The following MID1 variants were observed in gnomAD, a reference collection of about 807,000 sequenced individuals.
MID1 encodes E3 ubiquitin-protein ligase Midline-1.
A neutral mutation model predicts 40.4 loss-of-function variants in MID1; 7 were observed. That is an observed-to-expected ratio of 0.17 (90% CI 0.10 to 0.33). The LOEUF is 0.33. MID1 is among the 10% of genes least tolerant of loss of function. The pLI is 1.00. For missense variants in MID1, 367 were observed against 558.5 expected (o/e 0.66, Z 3.46); for synonymous variants, 229 against 221.2 (o/e 1.04, Z -0.31).
chrX:10,531,918 C>A (rs1047186828), intron 2 of MID1, among the ~76,000 whole-genome samples: 1 of 112,019 alleles, frequency 8.9e-6, no homozygotes, highest in African/African-American at 3.2e-5. Flanking sequence ...GAATGGATAT[C>A]ACATGAAGCT....
chrX:10,495,709 T>A lies in MID1; in HGVS notation c.757-18A>T, dbSNP rs377398110. ...GCATTGACCTACAGGATAAGTACAA[T>A]GGTAAGTGTTAATTTGGCCTTTGTT... On this transcript the variant is annotated intron_variant, in intron 3 of 9. Coordinates refer to ENST00000317552, the MANE Select transcript of MID1 (RefSeq NM_000381.4). 5.4e-6 allele frequency: 6 copies of A among 1,102,755 alleles called. No homozygotes were observed. The African/African-American group carries it at 9.0e-5, about 17-fold the overall frequency. 90.9% of individuals were successfully genotyped at this position (1,102,755 alleles called of 1,213,427 possible). A position where few individuals can be genotyped will look rare whatever the true frequency, so the allele number is the denominator to read the frequency against.
chrX:10,728,723 A>C (rs2043418397), intron 1 of MID1, among the ~76,000 whole-genome samples: 1 of 112,002 alleles, frequency 8.9e-6, no homozygotes, highest in African/African-American at 3.2e-5. Flanking sequence ...AGCACCATAA[A>C]AACAGAGTTA....
At chrX:10,452,734 T>C (rs961918321) in intron 9 of MID1, among the ~76,000 whole-genome samples, 1 of 111,904 alleles carries the variant, frequency 8.9e-6, no homozygotes, top group Non-Finnish European at 1.9e-5. Context: ...TAAAGATTAA[T>C]TGTGTAGCAA....
intron 2 of MID1, among the ~76,000 whole-genome samples, chrX:10,533,162 G>T (rs1273407420): frequency 9.1e-6 from 1 of 109,687 alleles, no homozygotes; most frequent in Non-Finnish European, 1.9e-5. Flanking sequence ...CATTTCTGTA[G>T]CCATAAAGTA....
intron 3 of MID1, among the ~76,000 whole-genome samples, chrX:10,498,302 G>T (rs988762535): frequency 8.9e-6 from 1 of 111,875 alleles, no homozygotes; most frequent in Admixed American, 9.5e-5. Context: ...TTGTAGAGAC[G>T]AGGTCTTGCT....
chrX:10,566,892 A>G lies in MID1; in HGVS notation c.656T>C (p.Leu219Ser), dbSNP rs746168447. The change falls in exon 2 of 10, where the codon TTG (leucine) becomes TCG (serine). Residue 219 changes from leucine (L) to serine (S), a missense_variant. By Grantham distance (145) the Leu-to-Ser change is moderately radical. This residue lies in a region of MID1 where 275 missense variants were observed against 383.1 expected (regional missense o/e 0.72). Coordinates refer to ENST00000317552, the MANE Select transcript of MID1 (RefSeq NM_000381.4). ...VAALSERYDK[L>S]KQNLESNLTN... ...CTTAAGGCGGATCGGACTAACCTTC[A>G]ATTTGTCATAGCGCTCACTCAAAGC... 1 of 1,209,338 alleles carries G rather than the reference A, an allele frequency of 8.3e-7. No homozygotes were observed. Among genetic ancestry groups the G allele is most frequent in the African/African-American group, 1.8e-5 (1 of 57,070 alleles).
chrX:10,754,309 G>GTTTTTTTTTTTTTTTT lies in MID1; in HGVS notation c.-187+79244_-187+79245insAAAAAAAAAAAAAAAA, dbSNP rs200251008. 4.6e-4 allele frequency among the ~76,000 whole-genome samples: 48 copies of GTTTTTTTTTTTTTTTT among 104,551 alleles called. 1 individual carries two copies. The highest frequency in any genetic ancestry group is 1.9e-3 in the African/African-American group (48 of 25,078). 90.8% of individuals were successfully genotyped at this position (104,551 alleles called of 115,157 possible). On this transcript the variant is annotated intron_variant, in intron 1 of 10. Coordinates refer to the MID1 transcript ENST00000380785. The stretch of plus-strand genomic sequence containing the variant: ...AGAATAGACAAGAGAGTTTTTTTTT[G>GTTTTTTTTTTTTTTTT]TTTTTTGTTTTTTGTTTTTTTTGTC...
chrX:10,779,558 G>A (rs1362702346), intron 1 of MID1, among the ~76,000 whole-genome samples: 1 of 112,144 alleles, frequency 8.9e-6, no homozygotes, highest in African/African-American at 3.2e-5. Flanking sequence ...AGTCTATTTC[G>A]AGGTCAGTTG....
intron 3 of MID1, among the ~76,000 whole-genome samples, chrX:10,504,708 G>A (rs964321207): frequency 1.8e-5 from 2 of 110,911 alleles, no homozygotes; most frequent in African/African-American, 6.6e-5. Flanking sequence ...TTTTGGATGG[G>A]GGAAGAAGAA....
At chrX:10,539,647 T>C (rs1033532894) in intron 2 of MID1, among the ~76,000 whole-genome samples, 5 of 112,804 alleles carry the variant, frequency 4.4e-5, no homozygotes, top group Non-Finnish European at 7.5e-5. Context: ...AATGATCTCC[T>C]GAATTTTACC....
intron 1 of MID1, among the ~76,000 whole-genome samples, chrX:10,602,484 C>T (rs1935549442): frequency 9.1e-6 from 1 of 110,456 alleles, no homozygotes; most frequent in Admixed American, 9.7e-5. Flanking sequence ...ATTCTCCCCT[C>T]CCCTATCCCC....
chrX:10,449,481 C>T lies in MID1; in HGVS notation c.1891G>A (p.Val631Ile), dbSNP rs769324197. Residue 631 changes from valine to isoleucine, a missense_variant, in exon 10 of 10, where the codon GTC (valine) becomes ATC (isoleucine). This residue lies in a region of MID1 where 275 missense variants were observed against 383.1 expected (regional missense o/e 0.72). Coordinates refer to ENST00000317552, the MANE Select transcript of MID1 (RefSeq NM_000381.4). ...GGGCAAACAGGCTGCGCAAATGCGA[C>T]GTCGAAGGTGTAGAGGTGGATGGAG... ...LNSIHLYTFD[V>I]AFAQPVCPTF... 2.5e-6 allele frequency: 3 copies of T among 1,211,420 alleles called. No individual in the cohort carries two copies. The highest frequency in any genetic ancestry group is 1.1e-6 in the Non-Finnish European group (1 of 895,383).
At chrX:10,721,585 G>A (rs1353447314) in intron 1 of MID1, among the ~76,000 whole-genome samples, 3 of 110,559 alleles carry the variant, frequency 2.7e-5, no homozygotes, top group South Asian at 3.9e-4. Flanking sequence ...ATTCTGTGCC[G>A]AAAACACAGA....
At chrX:10,765,876 AAAAG>A (rs764464716) in intron 1 of MID1, among the ~76,000 whole-genome samples, 48 of 108,275 alleles carry the variant, frequency 4.4e-4, no homozygotes, top group South Asian at 7.9e-4. Flanking sequence ...CTAAAAGACA[AAAAG>A]AAAGAAAGAA....
chrX:10,501,478 G>A (rs923204493), intron 3 of MID1: 1 of 1,152,835 alleles, frequency 8.7e-7, no homozygotes, highest in Non-Finnish European at 1.1e-6. Flanking sequence ...CTTGCCTGTA[G>A]GGAGTTGCTG....
chrX:10,819,790 T>C (rs1212178445), intron 1 of MID1, among the ~76,000 whole-genome samples: 1 of 111,712 alleles, frequency 9.0e-6, no homozygotes, highest in Non-Finnish European at 1.9e-5. Context: ...TCCTAGGACC[T>C]GAGTAAGAGC....
intron 1 of MID1, among the ~76,000 whole-genome samples, chrX:10,738,961 AAAG>A (rs1399625298): frequency 9.2e-6 from 1 of 108,696 alleles, no homozygotes; most frequent in African/African-American, 3.4e-5. Flanking sequence ...AAAAAAAAAA[AAAG>A]AAAGAAAGAA....
At chrX:10,542,624 A>G (rs923644385) in intron 2 of MID1, among the ~76,000 whole-genome samples, 4 of 112,165 alleles carry the variant, frequency 3.6e-5, no homozygotes, top group Non-Finnish European at 7.5e-5. Flanking sequence ...AAATGACCAT[A>G]GATTTAATAT....
At position 10,446,654 on chromosome X, in the gene MID1, C is replaced by A. The variant is rs1928051566; in HGVS notation, c.*2714G>T. The A allele has an allele frequency of 8.9e-6, 1 of 112,020 alleles. No individual in the cohort carries two copies. The highest frequency in any genetic ancestry group is 1.9e-5 in the Non-Finnish European group (1 of 53,264). 9.2% of individuals were successfully genotyped at this position (112,020 alleles called of 1,213,427 possible). Reference sequence around the variant, plus strand: ...CCACGTTTCTGAGTTCTTTTATGAGCACTCGCTATGTAATTTGCAAGGCCC... The same window carrying A: ...CCACGTTTCTGAGTTCTTTTATGAGAACTCGCTATGTAATTTGCAAGGCCC... On this transcript the variant is annotated 3_prime_UTR_variant, in exon 10 of 10. Transcript: ENST00000317552.
Sources: allele counts gnomAD v4.1 joint callset (sites outside exome capture counted in the v4.1 genomes callset), GRCh38; gene constraint gnomAD v4.1.1; regional missense constraint gnomAD v4.1.1; transcripts MANE v1.5; gene names NCBI Gene and HGNC (gene_info 2026-07-23, HGNC 2026-07-21).